LDB3: variants seen among roughly 807,000 people sequenced by gnomAD.
The protein encoded by LDB3 is LIM domain-binding protein 3.
A neutral mutation model predicts 69.0 loss-of-function variants in LDB3; 49 were observed. The observed-to-expected ratio is 0.71, with a 90% CI of 0.56 to 0.90. LDB3 has a LOEUF of 0.90. Ranked by LOEUF, LDB3 falls within the 40% of genes least tolerant of loss-of-function variation. The pLI is 0.00. For synonymous variants in LDB3, 387 were observed against 396.2 expected, an observed-to-expected ratio of 0.98 and a Z score of 0.28; for missense variants, 928 against 974.1, an observed-to-expected ratio of 0.95 and a Z score of 0.63.
chr10:86,711,760 G>T (rs1416491231), intron 9 of LDB3, among the ~76,000 whole-genome samples: 3 of 150,098 alleles, frequency 2.0e-5, no homozygotes, highest in Non-Finnish European at 4.5e-5. Context: ...AGGCCCGGGA[G>T]GGGGCGGGCG....
rs1475134892 is a variant in LDB3 at position 86,699,830 on chromosome 10, C to T, written c.897-6701C>T. 22 of 1,025,816 alleles carry T rather than the reference C, an allele frequency of 2.1e-5. No individual in the cohort carries two copies. Among genetic ancestry groups the T allele is most frequent in the East Asian group, 8.5e-5 (1 of 11,786 alleles). The allele number at this position is 1,025,816 out of a possible 1,614,324, so 63.5% of individuals were successfully genotyped here. On this transcript the variant is annotated intron_variant, in intron 7 of 13. Transcript: ENST00000361373. The surrounding 1 kb of genome is among the most constrained non-coding windows in gnomAD (Gnocchi z 4.9). ...GAAGAGGCTGATCCCTGGCGCTGCC[C>T]GGCTCCCTCGCTGCCCTCTGGAGCT...
chr10:86,729,709 C>A (rs1345884758), intron 13 of LDB3, among the ~76,000 whole-genome samples: 1 of 152,220 alleles, frequency 6.6e-6, no homozygotes, highest in Admixed American at 6.5e-5. Flanking sequence ...GGGCACAACT[C>A]CTTATGAGGG....
chr10:86,684,318 AG>A (rs1000729564), intron 5 of LDB3, among the ~76,000 whole-genome samples: 2 of 152,198 alleles, frequency 1.3e-5, no homozygotes, highest in African/African-American at 4.8e-5. Context: ...TCCCGGCCCC[AG>A]GTCCTGGGTG....
At chr10:86,723,783 A>G (rs1478510995) in intron 12 of LDB3, among the ~76,000 whole-genome samples, 1 of 152,238 alleles carries the variant, frequency 6.6e-6, no homozygotes, top group Non-Finnish European at 1.5e-5. Context: ...GGACTGGGAT[A>G]CATAAGAGCA....
intron 13 of LDB3, among the ~76,000 whole-genome samples, chr10:86,730,878 C>G (rs542243152): frequency 6.6e-6 from 1 of 152,176 alleles, no homozygotes; most frequent in East Asian, 1.9e-4. Flanking sequence ...TTGGGCTGGG[C>G]GTGGTGGCTC....
chr10:86,723,274 A>G (rs1847148579), intron 12 of LDB3, among the ~76,000 whole-genome samples: 2 of 149,220 alleles, frequency 1.3e-5, no homozygotes. Flanking sequence ...AATCTAAAAA[A>G]AAAAAAAAAA....
chr10:86,678,184 A>G (rs977289082), intron 2 of LDB3, among the ~76,000 whole-genome samples: 1 of 151,726 alleles, frequency 6.6e-6, no homozygotes, highest in African/African-American at 2.4e-5. Flanking sequence ...AGTAGCTGAG[A>G]CTACAGGCAC....
Position 86,699,705 on chromosome 10 carries a change from A to C in LDB3, c.897-6826A>C. ...GGGGTTTGCTGGCATAACACCCCAG[A>C]ACCAAGGGAAATGGATGGGCCGCTG... On this transcript the variant is annotated intron_variant, in intron 7 of 13. Coordinates refer to ENST00000361373, the MANE Select transcript of LDB3 (RefSeq NM_007078.3). This position sits in a 1 kb window ranked among gnomAD's most constrained non-coding sequence, Gnocchi z 4.9. 8.5e-7 allele frequency: 1 copy of C among 1,175,856 alleles called. No homozygotes were observed. The highest frequency in any genetic ancestry group is 1.1e-6 in the Non-Finnish European group (1 of 940,124). 72.8% of individuals were successfully genotyped at this position (1,175,856 alleles called of 1,614,324 possible). A position where few individuals can be genotyped will look rare whatever the true frequency, so the allele number is the denominator to read the frequency against.
chr10:86,729,275 T>C (rs1188718608), intron 13 of LDB3, among the ~76,000 whole-genome samples: 4 of 152,096 alleles, frequency 2.6e-5, no homozygotes, highest in African/African-American at 7.2e-5. Context: ...GTCCAAAGCA[T>C]ATAAAGTGAA....
At position 86,686,674 on chromosome 10, in the gene LDB3, C is replaced by T. The variant is rs547317045; in HGVS notation, c.689+4871C>T. Among the ~76,000 whole-genome samples, 5 of 151,796 alleles carry T rather than the reference C, an allele frequency of 3.3e-5. No individual in the cohort carries two copies. The East Asian group carries it at 9.7e-4, about 30-fold the overall frequency. ...TTTACAGAAAAAAAAAAAATAGTGG[C>T]ATATGCCTGTGGTCCTAGCTACCTC... On this transcript the variant is annotated intron_variant, in intron 5 of 13. Coordinates refer to ENST00000361373, the MANE Select transcript of LDB3 (RefSeq NM_007078.3).
At chr10:86,711,759 AG>A (rs1350766446) in intron 9 of LDB3, among the ~76,000 whole-genome samples, 2 of 148,606 alleles carry the variant, frequency 1.3e-5, no homozygotes, top group East Asian at 4.0e-4. Flanking sequence ...GAGGCCCGGG[AG>A]GGGGCGGGCG....
chr10:86,730,782 A>G (rs1008666978), intron 13 of LDB3, among the ~76,000 whole-genome samples: 24 of 152,208 alleles, frequency 1.6e-4, no homozygotes, highest in African/African-American at 5.3e-4. Flanking sequence ...GGTAGTCCCC[A>G]CAAATATTAA....
intron 7 of LDB3, among the ~76,000 whole-genome samples, chr10:86,701,241 G>A (rs1488580657): frequency 6.6e-6 from 1 of 152,214 alleles, no homozygotes; most frequent in Non-Finnish European, 1.5e-5. Flanking sequence ...GGACTTGCAA[G>A]GCCCAAGGGT....
chr10:86,679,570 G>A (rs1047223024), intron 3 of LDB3, 52 bp downstream of exon 3: 1 of 1,596,668 alleles, frequency 6.3e-7, no homozygotes, highest in East Asian at 2.2e-5. Flanking sequence ...GTGGGCATGG[G>A]GCAGGGGCCA....
At chr10:86,691,835 C>T in intron 5 of LDB3, 61 bp from the exon 6 acceptor site, 1 of 1,593,716 alleles carries the variant, frequency 6.3e-7, no homozygotes, top group South Asian at 1.1e-5. Context: ...AGCAGGGACC[C>T]AGCAGGGTGG....
At chr10:86,713,409 G>A (rs912219937) in intron 9 of LDB3, among the ~76,000 whole-genome samples, 2 of 152,078 alleles carry the variant, frequency 1.3e-5, no homozygotes, top group Non-Finnish European at 1.5e-5. Flanking sequence ...CACCATGCCC[G>A]GCTACTAGAA....
rs1442071380 is a variant in LDB3 at position 86,718,847 on chromosome 10, G to A, written c.1978G>A (p.Asp660Asn). 1.2e-6 allele frequency: 2 copies of A among 1,614,050 alleles called. No individual in the cohort carries two copies. Among genetic ancestry groups the A allele is most frequent in the African/African-American group, 2.7e-5 (2 of 75,050 alleles). The change falls in exon 12 of 14, where the codon GAC (aspartate) becomes AAC (asparagine). Residue 660 changes from aspartate (D) to asparagine (N), a missense_variant and splice_region_variant. Physicochemically the swap from Asp to Asn is conservative, Grantham distance 23. Coordinates refer to ENST00000361373, the MANE Select transcript of LDB3 (RefSeq NM_007078.3). Reference protein sequence around the residue: ...MEDGEPYCEKDYINLFSTKCH... With the variant: ...MEDGEPYCEKNYINLFSTKCH... ...AGACGGGGAGCCCTACTGCGAGAAAGGTAGGAACACTTCGATGGCATGTGG... is the reference window on the plus strand; with the variant it reads ...AGACGGGGAGCCCTACTGCGAGAAAAGTAGGAACACTTCGATGGCATGTGG...
intron 8 of LDB3, among the ~76,000 whole-genome samples, chr10:86,708,827 G>C (rs1441712182): frequency 6.6e-6 from 1 of 152,028 alleles, no homozygotes; most frequent in African/African-American, 2.4e-5. Flanking sequence ...GCTTGGTGGT[G>C]GGTTCTCATG....
Position 86,733,407 on chromosome 10 carries a change from G to A in LDB3, c.*431G>A, listed in dbSNP as rs1024819348. 9 of 236,550 alleles carry A rather than the reference G, an allele frequency of 3.8e-5. No individual in the cohort carries two copies. The highest frequency in any genetic ancestry group is 6.7e-5 in the Non-Finnish European group (8 of 119,908). The allele number at this position is 236,550 out of a possible 1,614,324, so 14.7% of individuals were successfully genotyped here. A position where few individuals can be genotyped will look rare whatever the true frequency, so the allele number is the denominator to read the frequency against. Reference sequence around the variant, plus strand: ...CAAATTGAAGTGCCAAACAGCACTCGCTGCAGGGTATTTTTAGAGTCATAG... The same window carrying A: ...CAAATTGAAGTGCCAAACAGCACTCACTGCAGGGTATTTTTAGAGTCATAG... On this transcript the variant is annotated 3_prime_UTR_variant, in exon 14 of 14. Transcript: ENST00000361373.
Sources: gnomAD v4.1 joint callset for allele counts (sites outside exome capture counted in the v4.1 genomes callset) on GRCh38, gnomAD v4.1.1 for gene constraint, Gnocchi (gnomAD v3.1) non-coding constraint, MANE v1.5 for transcripts, NCBI Gene and HGNC (gene_info 2026-07-23, HGNC 2026-07-21) for gene names.